Variants in PMEPA1 observed in about 807,000 individuals in gnomAD.
PMEPA1 encodes the protein protein TMEPAI.
In PMEPA1, 11 loss-of-function variants were observed where a neutral mutation model predicts 23.0. That is an observed-to-expected ratio of 0.48 (90% CI 0.30 to 0.79). The LOEUF (loss-of-function observed/expected upper bound fraction) is 0.79. Among genes scored for constraint, PMEPA1 ranks in the 30% least tolerant of loss-of-function variants. The pLI is 0.06. For missense variants in PMEPA1, 377 were observed against 390.9 expected, an observed-to-expected ratio of 0.96 and a Z score of 0.30; for synonymous variants, 204 against 166.4, an observed-to-expected ratio of 1.23 and a Z score of -1.74.
Position 57,704,650 on chromosome 20 carries a change from G to A in PMEPA1, c.109+4824C>T, listed in dbSNP as rs561243344. On this transcript the variant is annotated intron_variant, in intron 1 of 3. Transcript: ENST00000341744. This position sits in a 1 kb window ranked among gnomAD's most constrained non-coding sequence, Gnocchi z 4.6. Reference sequence around the variant, plus strand: ...ACACCTGAAGAGAGAAGGCCACACCGATCCTCAGGTTTGGACCCTGCCACC... The same window carrying A: ...ACACCTGAAGAGAGAAGGCCACACCAATCCTCAGGTTTGGACCCTGCCACC... 5.2e-4 allele frequency among the ~76,000 whole-genome samples: 79 copies of A among 152,310 alleles called. No individual in the cohort carries two copies. The highest frequency in any genetic ancestry group is 1.7e-3 in the African/African-American group (72 of 41,562).
chr20:57,705,562 G>A (rs2072070860), intron 1 of PMEPA1, among the ~76,000 whole-genome samples: 1 of 152,208 alleles, frequency 6.6e-6, no homozygotes, highest in Non-Finnish European at 1.5e-5. Context: ...TTCATCTCAA[G>A]AGGAAGCCCC....
chr20:57,694,028 G>A (rs1314252788), intron 1 of PMEPA1, among the ~76,000 whole-genome samples: 5 of 152,210 alleles, frequency 3.3e-5, no homozygotes, highest in Non-Finnish European at 4.4e-5. Flanking sequence ...TCCCAGCCCT[G>A]CAGCAGGGCC....
chr20:57,672,635 T>C (rs899610060), intron 1 of PMEPA1, among the ~76,000 whole-genome samples: 4 of 152,132 alleles, frequency 2.6e-5, no homozygotes, highest in Admixed American at 2.6e-4. Flanking sequence ...GGCCCAGCTA[T>C]TCTCGGTCTC....
At chr20:57,689,687 G>C (rs1371852253) in intron 1 of PMEPA1, among the ~76,000 whole-genome samples, 1 of 152,206 alleles carries the variant, frequency 6.6e-6, no homozygotes, top group Non-Finnish European at 1.5e-5. Flanking sequence ...TACATTCCCA[G>C]CTCCGGGGAC....
At chr20:57,680,907 A>C (rs1415715948) in intron 1 of PMEPA1, among the ~76,000 whole-genome samples, 1 of 152,204 alleles carries the variant, frequency 6.6e-6, no homozygotes, top group Non-Finnish European at 1.5e-5. Context: ...AAAGTGGCGG[A>C]GAGCAGTCTG....
rs1031928876 is a variant in PMEPA1, at chr20:57,655,769, C to T, written c.265-2683G>A. 2.0e-5 allele frequency among the ~76,000 whole-genome samples: 3 copies of T among 152,190 alleles called. No homozygotes were observed. The highest frequency in any genetic ancestry group is 1.9e-4 in the East Asian group (1 of 5,184). On this transcript the variant is annotated intron_variant, in intron 2 of 3. Transcript: ENST00000341744. This position sits in a 1 kb window ranked among gnomAD's most constrained non-coding sequence, Gnocchi z 4.2. ...GAAGTGGGCGCACCCAGTCCACCTG[C>T]GCCTTCCCCATTTAGATGCTTCTAG...
intron 1 of PMEPA1, among the ~76,000 whole-genome samples, chr20:57,696,876 C>T (rs1236535368): frequency 6.6e-6 from 1 of 152,196 alleles, no homozygotes; most frequent in South Asian, 2.1e-4. Flanking sequence ...TGCACATTTC[C>T]GTTTACACCC....
upstream of PMEPA1, chr20:57,710,715 G>A: frequency 4.3e-6 from 2 of 470,232 alleles, no homozygotes; most frequent in Non-Finnish European, 3.8e-6. Flanking sequence ...CCTCCGGCTG[G>A]GGGGCGCGGC....
chr20:57,677,565 T>C (rs530613043), intron 1 of PMEPA1, among the ~76,000 whole-genome samples: 1 of 152,286 alleles, frequency 6.6e-6, no homozygotes, highest in African/African-American at 2.4e-5. Flanking sequence ...CACTCGCATC[T>C]TTCCACCAAA....
At chr20:57,660,427 T>C (rs1600628729) in intron 1 of PMEPA1, among the ~76,000 whole-genome samples, 1 of 139,600 alleles carries the variant, frequency 7.2e-6, no homozygotes, top group African/African-American at 2.8e-5. Flanking sequence ...CCTACACAAA[T>C]AACACCCCAA....
chr20:57,680,478 G>A (rs564014372), intron 1 of PMEPA1, among the ~76,000 whole-genome samples: 10 of 152,350 alleles, frequency 6.6e-5, no homozygotes, highest in Middle Eastern at 6.8e-3. Flanking sequence ...GCACAGGGAA[G>A]TCCCCCACAG....
In PMEPA1 at chr20:57,649,051, A is replaced by G. The variant is rs2071186042; in HGVS notation, c.*3002T>C. Reference sequence around the variant, plus strand: ...AGGGGAGATAATTTTCCTCCTCTGGAGGAAAGGTGGTGATTGACAGGCAGG... The same window carrying G: ...AGGGGAGATAATTTTCCTCCTCTGGGGGAAAGGTGGTGATTGACAGGCAGG... On this transcript the variant is annotated 3_prime_UTR_variant, in exon 4 of 4. Transcript: ENST00000341744. 1 of 151,994 alleles carries G rather than the reference A, an allele frequency of 6.6e-6. No homozygotes were observed. The highest frequency in any genetic ancestry group is 1.9e-4 in the East Asian group (1 of 5,168). 9.4% of individuals were successfully genotyped at this position (151,994 alleles called of 1,614,324 possible).
intron 1 of PMEPA1, among the ~76,000 whole-genome samples, chr20:57,698,813 A>G (rs1297059656): frequency 2.0e-5 from 3 of 152,124 alleles, no homozygotes; most frequent in Non-Finnish European, 4.4e-5. Context: ...GTACATATAG[A>G]GGCACACACA....
At chr20:57,662,698 ACACCCACGCCCCCC>A (rs1034625890) in intron 1 of PMEPA1, among the ~76,000 whole-genome samples, 4 of 152,036 alleles carry the variant, frequency 2.6e-5, no homozygotes, top group Non-Finnish European at 4.4e-5. Flanking sequence ...GCTTTGTGTA[ACACCCACGCCCCCC>A]CACCCCCGGG....
At chr20:57,672,386 G>A (rs571824837) in intron 1 of PMEPA1, among the ~76,000 whole-genome samples, 1 of 152,260 alleles carries the variant, frequency 6.6e-6, no homozygotes, top group East Asian at 1.9e-4. Flanking sequence ...GCGCCCAGGG[G>A]AGGGGAAGTG....
chr20:57,686,807 C>T (rs1568979354), intron 1 of PMEPA1, among the ~76,000 whole-genome samples: 1 of 152,164 alleles, frequency 6.6e-6, no homozygotes, highest in South Asian at 2.1e-4. Context: ...GTGCTGGACC[C>T]GCAGTGAACA....
rs1395503903 is a variant in PMEPA1, at chr20:57,682,613, C to T, written c.110-22916G>A. ...CGAAAGGACACGAGAAGGAGAGGCACAGCTGCGTCGCTGGCTGTGACCCAC... is the reference window on the plus strand; with the variant it reads ...CGAAAGGACACGAGAAGGAGAGGCATAGCTGCGTCGCTGGCTGTGACCCAC... On this transcript the variant is annotated intron_variant, in intron 1 of 3. Transcript: ENST00000341744. The surrounding 1 kb of genome is among the most constrained non-coding windows in gnomAD (Gnocchi z 4.4). Among the ~76,000 whole-genome samples, 6 of 152,252 alleles carry T rather than the reference C, an allele frequency of 3.9e-5. No homozygotes were observed. The East Asian group carries it at 1.2e-3, about 29-fold the overall frequency.
At position 57,660,162 on chromosome 20, in the gene PMEPA1, C is replaced by T. The variant is rs1028367764; in HGVS notation, c.110-465G>A. On this transcript the variant is annotated intron_variant, in intron 1 of 3. Transcript: ENST00000341744. ...CCTTCTTAGGGGCCCAGGGAGGGAGCAGTTGGGAGGAGAAGGGGACCCCTG... is the reference window on the plus strand; with the variant it reads ...CCTTCTTAGGGGCCCAGGGAGGGAGTAGTTGGGAGGAGAAGGGGACCCCTG... Among the ~76,000 whole-genome samples the T allele has an allele frequency of 4.6e-5, 7 of 152,176 alleles. No homozygotes were observed. The East Asian group carries it at 9.6e-4, about 21-fold the overall frequency.
At chr20:57,694,948 T>TCTG (rs2071926685) in intron 1 of PMEPA1, among the ~76,000 whole-genome samples, 1 of 152,092 alleles carries the variant, frequency 6.6e-6, no homozygotes, top group Admixed American at 6.5e-5. Flanking sequence ...ACTGCTCTTT[T>TCTG]CTTCTTCTTC....
Sources: allele counts gnomAD v4.1 joint callset (sites outside exome capture counted in the v4.1 genomes callset), GRCh38; gene constraint gnomAD v4.1.1; non-coding constraint Gnocchi (gnomAD v3.1); transcripts MANE v1.5; gene names NCBI Gene and HGNC (gene_info 2026-07-23, HGNC 2026-07-21).